SMAP2: variants seen among roughly 807,000 people sequenced by gnomAD.
SMAP2 encodes small ArfGAP2, also known as stromal membrane-associated protein 2.
Under a neutral mutation model 56.4 loss-of-function variants are expected in SMAP2, and 25 were observed. That is an observed-to-expected ratio of 0.44 (90% CI 0.32 to 0.62). SMAP2 has a LOEUF of 0.62. SMAP2 is among the 20% of genes least tolerant of loss of function. The pLI, the probability that SMAP2 is intolerant of heterozygous loss-of-function variation, is 0.04. For missense variants in SMAP2, 388 were observed against 545.6 expected, an observed-to-expected ratio of 0.71 and a Z score of 2.88; for synonymous variants, 157 against 181.7, an observed-to-expected ratio of 0.86 and a Z score of 1.09.
chr1:40,364,895 G>A (rs767379145), intron 2 of SMAP2: 1 of 217,628 alleles, frequency 4.6e-6, no homozygotes. Context: ...CAGATCCCAT[G>A]AATCCTTGGC....
At position 40,374,777 on chromosome 1, in the gene SMAP2, C is replaced by G. The variant is rs1212379672; in HGVS notation, c.103+554C>G. On this transcript the variant is annotated intron_variant, in intron 1 of 9. Coordinates refer to ENST00000372718, the MANE Select transcript of SMAP2 (RefSeq NM_022733.3). The surrounding 1 kb of genome is among the most constrained non-coding windows in gnomAD (Gnocchi z 5.9). ...ATTTTGCAGCCTTGCTAAGATCTGA[C>G]AAGAGTGCTTAGGTGACTTTATTCT... The G allele has an allele frequency of 6.5e-7, 1 of 1,550,362 alleles. No homozygotes were observed. Among genetic ancestry groups the G allele is most frequent in the Non-Finnish European group, 8.7e-7 (1 of 1,146,924 alleles).
intron 2 of SMAP2, among the ~76,000 whole-genome samples, chr1:40,407,431 G>A (rs925757826): frequency 6.6e-5 from 10 of 152,118 alleles, no homozygotes; most frequent in South Asian, 4.1e-4. Context: ...TTGAAGCTGC[G>A]GTTAGTCATG....
chr1:40,350,487 G>A (rs1457946577), intron 1 of SMAP2, among the ~76,000 whole-genome samples: 1 of 152,202 alleles, frequency 6.6e-6, no homozygotes. Flanking sequence ...GGCTGGCAAC[G>A]ATGGGTGACC....
chr1:40,417,031 G>A lies in SMAP2; in HGVS notation c.1099G>A (p.Ala367Thr), dbSNP rs1644995172. 3.1e-6 allele frequency: 5 copies of A among 1,614,092 alleles called. No individual in the cohort carries two copies. Among genetic ancestry groups the A allele is most frequent in the African/African-American group, 1.3e-5 (1 of 75,042 alleles). The change falls in exon 9 of 10, where the codon GCA becomes ACA. Residue 367 changes from alanine (A) to threonine (T), a missense_variant. Coordinates refer to ENST00000372718, the MANE Select transcript of SMAP2 (RefSeq NM_022733.3). ...TQQAGYMAGM[A>T]AMPQTVYGVQ... ...GCAGGCTGGCTACATGGCAGGCATG[G>A]CAGCTATGCCCCAGACTGTGTATGG...
chr1:40,412,885 C>A lies in SMAP2; in HGVS notation c.403-131C>A, dbSNP rs548957779. 160 of 657,664 alleles carry A rather than the reference C, an allele frequency of 2.4e-4. No homozygotes were observed. The Admixed American group carries it at 3.0e-3, about 12-fold the overall frequency. 40.7% of individuals were successfully genotyped at this position (657,664 alleles called of 1,614,324 possible). On this transcript the variant is annotated intron_variant, in intron 4 of 9. Transcript: ENST00000372718. ...TGCTCCACACCAAGACACCGCCCCC[C>A]AAGCTTGTCAGACACTTACGTCAGA...
intron 1 of SMAP2, among the ~76,000 whole-genome samples, chr1:40,356,398 GTTTTTTGTTT>G (rs1243883807): frequency 2.7e-5 from 4 of 147,186 alleles, no homozygotes; most frequent in East Asian, 4.0e-4. Flanking sequence ...TTTTTTGTGG[GTTTTTTGTTT>G]TTTTTTGTTT....
chr1:40,373,366 A>G (rs935320766), upstream of SMAP2, among the ~76,000 whole-genome samples: 1 of 152,228 alleles, frequency 6.6e-6, no homozygotes, highest in African/African-American at 2.4e-5. Context: ...CTCAGGTTAC[A>G]TAAGGATGAT....
rs1644657883 is a variant in SMAP2 at position 40,386,641 on chromosome 1, C to T, written c.103+12418C>T. ...CATTTAAGGAAAAAAAGATTTGTTG[C>T]CATAGGAACAGACCAGTTGTTTTCT... On this transcript the variant is annotated intron_variant, in intron 1 of 9. Coordinates refer to ENST00000372718, the MANE Select transcript of SMAP2 (RefSeq NM_022733.3). This position sits in a 1 kb window ranked among gnomAD's most constrained non-coding sequence, Gnocchi z 4.1. 6.6e-6 allele frequency among the ~76,000 whole-genome samples: 1 copy of T among 150,846 alleles called. No homozygotes were observed. The highest frequency in any genetic ancestry group is 1.5e-5 in the Non-Finnish European group (1 of 67,998).
intron 1 of SMAP2, among the ~76,000 whole-genome samples, chr1:40,399,327 T>TA (rs1557441871): frequency 4.8e-5 from 7 of 145,458 alleles, no homozygotes; most frequent in Non-Finnish European, 7.6e-5. Flanking sequence ...TTTTTTTTTT[T>TA]TTTTGTATTT....
At chr1:40,392,108 A>G (rs78012324) in intron 1 of SMAP2, among the ~76,000 whole-genome samples, 4 of 152,358 alleles carry the variant, frequency 2.6e-5, no homozygotes, top group Non-Finnish European at 5.9e-5. Context: ...GGTGATTGAA[A>G]TGCATTAGAT....
chr1:40,410,873 A>C (rs1644928987), intron 4 of SMAP2, among the ~76,000 whole-genome samples: 1 of 152,254 alleles, frequency 6.6e-6, no homozygotes, highest in Admixed American at 6.5e-5. Context: ...AAATTCTCTT[A>C]GGAATAATTG....
chr1:40,415,338 T>C lies in SMAP2; in HGVS notation c.638T>C (p.Leu213Pro), dbSNP rs780187709. 3 of 1,613,910 alleles carry C rather than the reference T, an allele frequency of 1.9e-6. No individual in the cohort carries two copies. The highest frequency in any genetic ancestry group is 2.5e-6 in the Non-Finnish European group (3 of 1,179,774). ...TSNTLEKDLD[L>P]LASVPSPSSS... Reference sequence around the variant, plus strand: ...AATACCCTAGAGAAGGATTTAGATCTGTTGGCCTCTGTTCCATCCCCTTCT... The same window carrying C: ...AATACCCTAGAGAAGGATTTAGATCCGTTGGCCTCTGTTCCATCCCCTTCT... Residue 213 changes from leucine to proline, a missense_variant, in exon 7 of 10, where the codon CTG becomes CCG. By Grantham distance (98) the Leu-to-Pro change is moderately conservative (BLOSUM62 -3). Transcript: ENST00000372718.
intron 1 of SMAP2, among the ~76,000 whole-genome samples, chr1:40,355,341 TG>T (rs1216582540): frequency 6.6e-6 from 1 of 152,222 alleles, no homozygotes; most frequent in African/African-American, 2.4e-5. Context: ...GTCTCTTTTT[TG>T]CTTATTCCTC....
intron 1 of SMAP2, among the ~76,000 whole-genome samples, chr1:40,354,545 G>T (rs997344061): frequency 1.3e-5 from 2 of 151,724 alleles, no homozygotes; most frequent in Non-Finnish European, 2.9e-5. Flanking sequence ...CACCATATTG[G>T]CCAGGCTGGT....
intron 1 of SMAP2, among the ~76,000 whole-genome samples, chr1:40,359,242 A>G (rs903078707): frequency 4.6e-5 from 7 of 152,182 alleles, no homozygotes; most frequent in African/African-American, 1.4e-4. Flanking sequence ...AGCTGGAACT[A>G]CAAGTGCGTG....
intron 2 of SMAP2, among the ~76,000 whole-genome samples, chr1:40,367,793 A>G (rs971044030): frequency 1.3e-5 from 2 of 149,356 alleles, no homozygotes; most frequent in African/African-American, 5.0e-5. Context: ...AATTAAAAGA[A>G]CTAGAAAGCA....
Position 40,403,753 on chromosome 1 carries a change from A to G in SMAP2, c.104-2983A>G, listed in dbSNP as rs949307247. On this transcript the variant is annotated intron_variant, in intron 1 of 9. Coordinates refer to ENST00000372718, the MANE Select transcript of SMAP2 (RefSeq NM_022733.3). ...AAACTAAGGCTCAGGAAATGTAAGTATCTCTCAGAAGGTCACACAGGTAAT... is the reference window on the plus strand; with the variant it reads ...AAACTAAGGCTCAGGAAATGTAAGTGTCTCTCAGAAGGTCACACAGGTAAT... The G allele has an allele frequency of 2.7e-5, 18 of 663,450 alleles. 1 individual carries two copies. The Admixed American group carries it at 5.0e-4, about 19-fold the overall frequency. 41.1% of individuals were successfully genotyped at this position (663,450 alleles called of 1,614,324 possible). A position where few individuals can be genotyped will look rare whatever the true frequency, so the allele number is the denominator to read the frequency against.
In SMAP2 at chr1:40,406,722, C is replaced by T. The variant is rs1245883785; in HGVS notation, c.104-14C>T. 1 of 1,609,104 alleles carries T rather than the reference C, an allele frequency of 6.2e-7. No homozygotes were observed. Among genetic ancestry groups the T allele is most frequent in the Non-Finnish European group, 8.5e-7 (1 of 1,176,660 alleles). Reference sequence around the variant, plus strand: ...GTAATTTGTACTTTATTGCCCTGTTCCTGACTTTCACAGGGCCGCGATGGG... The same window carrying T: ...GTAATTTGTACTTTATTGCCCTGTTTCTGACTTTCACAGGGCCGCGATGGG... On this transcript the variant is annotated splice_polypyrimidine_tract_variant and intron_variant, in intron 1 of 9. Coordinates refer to ENST00000372718, the MANE Select transcript of SMAP2 (RefSeq NM_022733.3).
Position 40,396,434 on chromosome 1 carries a change from T to C in SMAP2, c.104-10302T>C, listed in dbSNP as rs372796026. ...CTCTGATTTTCTAATTTTAAATTTC[T>C]TGGTGTAGGATTTACCTTTATTCTC... On this transcript the variant is annotated intron_variant, in intron 1 of 9. Coordinates refer to ENST00000372718, the MANE Select transcript of SMAP2 (RefSeq NM_022733.3). Among the ~76,000 whole-genome samples, 5 of 152,366 alleles carry C rather than the reference T, an allele frequency of 3.3e-5. No homozygotes were observed. The East Asian group carries it at 9.6e-4, about 29-fold the overall frequency.
Sources: allele counts gnomAD v4.1 joint callset (sites outside exome capture counted in the v4.1 genomes callset), GRCh38; gene constraint gnomAD v4.1.1; non-coding constraint Gnocchi (gnomAD v3.1); transcripts MANE v1.5; gene names NCBI Gene and HGNC (gene_info 2026-07-23, HGNC 2026-07-21).